Variants in ZFC3H1 observed in about 807,000 individuals in gnomAD.
The protein encoded by ZFC3H1 is zinc finger C3H1 domain-containing protein.
Under a neutral mutation model 243.7 loss-of-function variants are expected in ZFC3H1, and 71 were observed. That is an observed-to-expected ratio of 0.29 (90% CI 0.24 to 0.36). The LOEUF is 0.36. Among genes scored for constraint, ZFC3H1 ranks in the 10% least tolerant of loss-of-function variants. The pLI, the probability that ZFC3H1 is intolerant of heterozygous loss-of-function variation, is 1.00. For synonymous variants in ZFC3H1, 838 were observed against 813.0 expected (o/e 1.03, Z -0.52); for missense variants, 1,966 against 2,317.1 (o/e 0.85, Z 3.11).
In ZFC3H1 at chr12:71,629,000, C is replaced by T; in HGVS notation, c.3864G>A (p.Trp1288Ter). The change falls in exon 20 of 35, where the codon TGG becomes TGA. Residue 1288 changes from tryptophan (W) to a stop codon, truncating the protein, a stop_gained. Transcript: ENST00000378743. LOFTEE classifies it high-confidence loss of function. ...PFTTYKDKRK[W>*]KPKFWRKPIS... ...TAGGTTTTCTCCAAAACTTTGGCTT[C>T]CACTTTCTTTTATCTTTGTAGGTTG... The T allele has an allele frequency of 6.2e-7, 1 of 1,612,988 alleles. No individual in the cohort carries two copies. Among genetic ancestry groups the T allele is most frequent in the Non-Finnish European group, 8.5e-7 (1 of 1,179,672 alleles).
chr12:71,615,386 A>T (rs1879870801), intron 27 of ZFC3H1, 70 bp from the exon 28 acceptor site: 6 of 1,031,436 alleles, frequency 5.8e-6, no homozygotes, highest in South Asian at 2.9e-5. Context: ...CATATTTTTT[A>T]AAATCGTTAG....
At chr12:71,657,433 C>T in intron 1 of ZFC3H1, 132 bp from the exon 2 acceptor site, 1 of 759,004 alleles carries the variant, frequency 1.3e-6, no homozygotes, top group Non-Finnish European at 2.0e-6. Flanking sequence ...TTTTAAATTA[C>T]TAAATTCCAT....
chr12:71,656,778 A>G, intron 2 of ZFC3H1, 107 bp downstream of exon 2: 1 of 1,192,212 alleles, frequency 8.4e-7, no homozygotes, highest in Non-Finnish European at 1.2e-6. Flanking sequence ...GTACAAAAGA[A>G]TTTACAGATA....
chr12:71,661,907 C>T (rs144941142), intron 1 of ZFC3H1, among the ~76,000 whole-genome samples: 41 of 152,264 alleles, frequency 2.7e-4, no homozygotes, highest in African/African-American at 9.1e-4. Context: ...ATTCCTTGCC[C>T]CTTTTACATC....
At chr12:71,637,500 T>A (rs1880492992) in intron 7 of ZFC3H1, among the ~76,000 whole-genome samples, 1 of 152,166 alleles carries the variant, frequency 6.6e-6, no homozygotes, top group South Asian at 2.1e-4. Context: ...CCAGAGTACT[T>A]TAATCATTAA....
intron 10 of ZFC3H1, among the ~76,000 whole-genome samples, 180 bp from the exon 11 acceptor site, chr12:71,635,005 C>T (rs549659124): frequency 5.3e-5 from 8 of 152,178 alleles, no homozygotes; most frequent in Admixed American, 2.6e-4. Context: ...AAATTGTATA[C>T]GCCACCAAGT....
Position 71,631,767 on chromosome 12 carries a change from T to G in ZFC3H1, c.3470+11A>C, listed in dbSNP as rs747961780. 15 of 1,565,480 alleles carry G rather than the reference T, an allele frequency of 9.6e-6. No homozygotes were observed. The highest frequency in any genetic ancestry group is 1.2e-5 in the Non-Finnish European group (14 of 1,160,862). On this transcript the variant is annotated intron_variant, in intron 16 of 34. Transcript: ENST00000378743. ...CCTGAAATTCAAGCTTATTGAATCT[T>G]TCTTTTATACCTGTAGGACTTAAAA...
intron 3 of ZFC3H1, among the ~76,000 whole-genome samples, chr12:71,646,936 C>A (rs1265553335): frequency 6.6e-6 from 1 of 152,206 alleles, no homozygotes; most frequent in Non-Finnish European, 1.5e-5. Flanking sequence ...TCCTATGTAA[C>A]TTTAGGCAAG....
Position 71,634,353 on chromosome 12 carries a change from A to C in ZFC3H1, c.2361-49T>G, listed in dbSNP as rs79165863. 3,851 of 1,563,648 alleles carry C rather than the reference A, an allele frequency of 2.5e-3. 77 individuals are homozygous for C. The African/African-American group carries it at 0.047, about 19-fold the overall frequency. On this transcript the variant is annotated intron_variant, in intron 11 of 34. Coordinates refer to ENST00000378743, the MANE Select transcript of ZFC3H1 (RefSeq NM_144982.5). Reference sequence around the variant, plus strand: ...TGCATTACACCCAAGAATAAACTTAAACTATTTTTAAAATGTATTCTATTT... The same window carrying C: ...TGCATTACACCCAAGAATAAACTTACACTATTTTTAAAATGTATTCTATTT...
intron 2 of ZFC3H1, chr12:71,656,636 T>C: frequency 1.7e-6 from 1 of 594,442 alleles, no homozygotes; most frequent in East Asian, 2.9e-5. Context: ...AACAAAGGTG[T>C]CCACTATTAT....
chr12:71,632,578 G>C, intron 14 of ZFC3H1, 64 bp from the exon 15 acceptor site: 1 of 1,487,414 alleles, frequency 6.7e-7, no homozygotes, highest in South Asian at 1.4e-5. Flanking sequence ...TTTTTGGTAA[G>C]ATAATTGTGC....
At chr12:71,618,570 A>T (rs1255376319) in intron 27 of ZFC3H1, among the ~76,000 whole-genome samples, 1 of 152,214 alleles carries the variant, frequency 6.6e-6, no homozygotes, top group Non-Finnish European at 1.5e-5. Flanking sequence ...CTTGCATTTC[A>T]TCTATGGCTG....
intron 29 of ZFC3H1, 34 bp from the exon 30 acceptor site, chr12:71,614,734 C>G (rs1879853495): frequency 1.3e-6 from 2 of 1,595,798 alleles, no homozygotes; most frequent in Admixed American, 3.5e-5. Context: ...TTTAGAATAA[C>G]TAAGACAGTA....
At chr12:71,655,730 A>T (rs758214969) in intron 2 of ZFC3H1, among the ~76,000 whole-genome samples, 7 of 152,190 alleles carry the variant, frequency 4.6e-5, no homozygotes, top group Non-Finnish European at 8.8e-5. Flanking sequence ...GAATGTTTCC[A>T]ATCTTAAACT....
intron 6 of ZFC3H1, among the ~76,000 whole-genome samples, chr12:71,640,944 TG>T (rs1241327387): frequency 6.6e-6 from 1 of 152,160 alleles, no homozygotes; most frequent in Admixed American, 6.5e-5. Flanking sequence ...AATTAAAAGA[TG>T]TTTTTAATGC....
chr12:71,644,484 T>G (rs1296059693), intron 4 of ZFC3H1, among the ~76,000 whole-genome samples, 166 bp from the exon 5 acceptor site: 1 of 152,174 alleles, frequency 6.6e-6, no homozygotes, highest in Non-Finnish European at 1.5e-5. Flanking sequence ...AACTCAAAAC[T>G]CTGAATTAAA....
chr12:71,634,013 A>G, intron 12 of ZFC3H1, 142 bp downstream of exon 12: 1 of 875,686 alleles, frequency 1.1e-6, no homozygotes, highest in Non-Finnish European at 1.7e-6. Context: ...GTGTCATTCA[A>G]CAAAATGACA....
At chr12:71,631,019 C>G in intron 16 of ZFC3H1, 65 bp from the exon 17 acceptor site, 1 of 1,428,912 alleles carries the variant, frequency 7.0e-7, no homozygotes, top group Non-Finnish European at 9.3e-7. Flanking sequence ...ACTAAGAAAA[C>G]TTTAGTTTTT....
intron 1 of ZFC3H1, among the ~76,000 whole-genome samples, chr12:71,660,132 T>C (rs1252942166): frequency 1.3e-5 from 2 of 152,264 alleles, no homozygotes; most frequent in African/African-American, 2.4e-5. Flanking sequence ...TACAGAAATA[T>C]GCCACAGAGT....
Sources: allele counts gnomAD v4.1 joint callset (sites outside exome capture counted in the v4.1 genomes callset), GRCh38; gene constraint gnomAD v4.1.1; transcripts MANE v1.5; gene names NCBI Gene and HGNC (gene_info 2026-07-23, HGNC 2026-07-21).